The following GOLGA3 variants were observed in gnomAD, a reference collection of about 807,000 sequenced individuals.
The protein encoded by GOLGA3 is golgin subfamily A member 3.
In GOLGA3, 75 loss-of-function variants were observed where a neutral mutation model predicts 169.4. The ratio of observed to expected loss-of-function variants is 0.44; its 90% CI spans 0.37 to 0.54. GOLGA3 has a LOEUF of 0.54. Among genes scored for constraint, GOLGA3 ranks in the 20% least tolerant of loss-of-function variants. The pLI is 0.00. For synonymous variants in GOLGA3, 824 were observed against 822.4 expected (o/e 1.00, Z -0.03); for missense variants, 1,899 against 1,930.0 (o/e 0.98, Z 0.30).
rs1342711305 is a variant in GOLGA3 at position 132,771,887 on chromosome 12, C to CA, written c.*1217dup. ...CCACCGGCCTCTCCCTGTGCCCCCCCAAAGGTCAGATCAGATATGGGGCCT... is the reference window on the plus strand; with the variant it reads ...CCACCGGCCTCTCCCTGTGCCCCCCCAAAAGGTCAGATCAGATATGGGGCCT... On this transcript the variant is annotated 3_prime_UTR_variant, in exon 24 of 24. Transcript: ENST00000450791. 6.5e-6 allele frequency: 1 copy of CA among 152,748 alleles called. No homozygotes were observed. The highest frequency in any genetic ancestry group is 1.9e-4 in the East Asian group (1 of 5,204). The allele number at this position is 152,748 out of a possible 1,614,324, so 9.5% of individuals were successfully genotyped here. A position where few individuals can be genotyped will look rare whatever the true frequency, so the allele number is the denominator to read the frequency against.
intron 9 of GOLGA3, among the ~76,000 whole-genome samples, chr12:132,797,475 C>T (rs1281558652): frequency 6.6e-6 from 1 of 152,206 alleles, no homozygotes; most frequent in Non-Finnish European, 1.5e-5. Flanking sequence ...CTTTGGGAGG[C>T]CGAGGCAGGC....
chr12:132,791,102 A>C (rs2136414388), intron 12 of GOLGA3, 114 bp downstream of exon 12: 1 of 429,950 alleles, frequency 2.3e-6, no homozygotes, highest in South Asian at 3.7e-5. Context: ...AAGAGAACTC[A>C]AGATGTTACC....
chr12:132,795,930 T>A lies in GOLGA3; in HGVS notation c.2391A>T (p.Arg797Ser), dbSNP rs144821042. 1.3e-4 allele frequency: 210 copies of A among 1,614,166 alleles called. No homozygotes were observed. The highest frequency in any genetic ancestry group is 1.7e-4 in the Non-Finnish European group (199 of 1,180,040). The change falls in exon 11 of 24, where the codon AGA (arginine) becomes AGT (serine). Residue 797 changes from arginine (R) to serine (S), a missense_variant. Coordinates refer to ENST00000450791, the MANE Select transcript of GOLGA3 (RefSeq NM_001389683.1). ...TTTCCTCGGTACCTTCTTCCAAGCG[T>A]CTTGCTCCTCTGTCAAGCTCCTCCT... ...SGKEELDRGA[R>S]RLEEGTEETS...
At chr12:132,783,987 A>G (rs1183169426) in intron 16 of GOLGA3, 177 bp downstream of exon 16, 1 of 1,490,126 alleles carries the variant, frequency 6.7e-7, no homozygotes, top group Admixed American at 2.1e-5. Context: ...AGAGGGCTGG[A>G]ATCAGGGCCT....
chr12:132,795,920 C>T lies in GOLGA3; in HGVS notation c.2401G>A (p.Glu801Lys). The T allele has an allele frequency of 1.2e-6, 2 of 1,614,198 alleles. No individual in the cohort carries two copies. The highest frequency in any genetic ancestry group is 8.5e-7 in the Non-Finnish European group (1 of 1,180,034). Reference protein sequence around the residue: ...ELDRGARRLEEGTEETSETLE... With the variant: ...ELDRGARRLEKGTEETSETLE... ...GTTTCCGACGTTTCCTCGGTACCTTCTTCCAAGCGTCTTGCTCCTCTGTCA... is the reference window on the plus strand; with the variant it reads ...GTTTCCGACGTTTCCTCGGTACCTTTTTCCAAGCGTCTTGCTCCTCTGTCA... The change falls in exon 11 of 24, where the codon GAA becomes AAA. Residue 801 changes from glutamate to lysine, a missense_variant. Transcript: ENST00000450791.
chr12:132,798,208 C>T (rs1029900281), intron 9 of GOLGA3, 132 bp downstream of exon 9: 9 of 811,004 alleles, frequency 1.1e-5, no homozygotes, highest in Non-Finnish European at 1.7e-5. Flanking sequence ...CCTTAACGAG[C>T]AGTCACTGCC....
intron 2 of GOLGA3, 84 bp downstream of exon 2, chr12:132,821,912 A>G: frequency 1.2e-6 from 1 of 863,412 alleles, no homozygotes; most frequent in South Asian, 1.7e-5. Context: ...AGTGGTCTCA[A>G]CGCCACATCC....
chr12:132,801,579 G>T (rs1566111137), intron 8 of GOLGA3, among the ~76,000 whole-genome samples, 188 bp downstream of exon 8: 1 of 147,912 alleles, frequency 6.8e-6, no homozygotes, highest in East Asian at 1.9e-4. Flanking sequence ...TCAGAAGGTT[G>T]GGGGGGGGCC....
Position 132,782,405 on chromosome 12 carries a change from C to G in GOLGA3, c.3356G>C (p.Gly1119Ala), listed in dbSNP as rs143639070. The change falls in exon 17 of 24, where the codon GGG (glycine) becomes GCG (alanine). Residue 1119 changes from glycine (G) to alanine (A), a missense_variant. Physicochemically the swap from Gly to Ala is moderately conservative, Grantham distance 60 (BLOSUM62 0). Transcript: ENST00000450791. ...GGACTGACCGAGGCCCGTAAGCTTC[C>G]CTTTCTCGTGCTCTAATTCAAGAGC... Reference protein sequence around the residue: ...KLALELEHEKGKLTGLGQSNA... With the variant: ...KLALELEHEKAKLTGLGQSNA... 4.0e-5 allele frequency: 64 copies of G among 1,614,180 alleles called. No homozygotes were observed. Among genetic ancestry groups the G allele is most frequent in the Non-Finnish European group, 5.4e-5 (64 of 1,179,998 alleles).
chr12:132,776,582 C>G (rs7303430), intron 21 of GOLGA3, 52 bp downstream of exon 21: 35 of 201,964 alleles, frequency 1.7e-4, no homozygotes, highest in Middle Eastern at 1.6e-3. Context: ...GCCCCTCCAG[C>G]TCCTTCCTCC....
rs754504058 is a variant in GOLGA3 at position 132,774,137 on chromosome 12, A to G, written c.4307+20T>C. On this transcript the variant is annotated intron_variant, in intron 23 of 23. Transcript: ENST00000450791. ...TAATCTTTAAGACTAGCTGAAGTGC[A>G]GCACGGAATACGGTCGTACTTGAGC... 17 of 1,555,046 alleles carry G rather than the reference A, an allele frequency of 1.1e-5. No homozygotes were observed. The highest frequency in any genetic ancestry group is 1.4e-5 in the Non-Finnish European group (16 of 1,150,200).
chr12:132,816,466 G>A (rs886268020), intron 3 of GOLGA3, 74 bp downstream of exon 3: 74 of 1,474,332 alleles, frequency 5.0e-5, no homozygotes, highest in African/African-American at 6.9e-5. Flanking sequence ...CAGTGAGTGC[G>A]CAGGGCACCT....
In GOLGA3 at chr12:132,796,604, C is replaced by G. The variant is rs1948854425; in HGVS notation, c.2035G>C (p.Gly679Arg). 1 of 1,613,962 alleles carries G rather than the reference C, an allele frequency of 6.2e-7. No individual in the cohort carries two copies. The highest frequency in any genetic ancestry group is 1.3e-5 in the African/African-American group (1 of 74,942). Reference protein sequence around the residue: ...DLQRRLEEFEGERERLQRMAD... With the variant: ...DLQRRLEEFERERERLQRMAD... ...ATCCTCTGCAGCCGCTCCCTCTCACCTTCAAACTCTTCCAGCCTCCTCTGA... is the reference window on the plus strand; with the variant it reads ...ATCCTCTGCAGCCGCTCCCTCTCACGTTCAAACTCTTCCAGCCTCCTCTGA... The change falls in exon 10 of 24, where the codon GGT becomes CGT. Residue 679 changes from glycine (G) to arginine (R), a missense_variant. Transcript: ENST00000450791.
At chr12:132,782,193 A>G in intron 17 of GOLGA3, 103 bp downstream of exon 17, 2 of 1,089,008 alleles carry the variant, frequency 1.8e-6, no homozygotes, top group Non-Finnish European at 2.8e-6. Context: ...CGGGTGGGCT[A>G]GGAGTCAGCA....
At chr12:132,795,372 A>C (rs947215414) in intron 11 of GOLGA3, among the ~76,000 whole-genome samples, 1 of 151,760 alleles carries the variant, frequency 6.6e-6, no homozygotes, top group African/African-American at 2.4e-5. Context: ...CAGGCCTATA[A>C]TCCCAGCACT....
intron 2 of GOLGA3, among the ~76,000 whole-genome samples, chr12:132,819,800 G>A (rs1384116019): frequency 6.6e-6 from 1 of 152,222 alleles, no homozygotes; most frequent in Non-Finnish European, 1.5e-5. Flanking sequence ...AGCACTTTGG[G>A]AGGCCGAGGT....
rs371086560 is a variant in GOLGA3, at chr12:132,824,238, G to T, written c.-183-1927C>A. Among the ~76,000 whole-genome samples, 12 of 152,274 alleles carry T rather than the reference G, an allele frequency of 7.9e-5. No homozygotes were observed. In the East Asian group the frequency reaches 1.9e-3, roughly 24 times the overall value. On this transcript the variant is annotated intron_variant, in intron 1 of 23. Coordinates refer to ENST00000450791, the MANE Select transcript of GOLGA3 (RefSeq NM_001389683.1). ...TCACCCGTAAAAGAGGAAACCTATG[G>T]GTGGTGGGTGTAACCCAGTCCACTG... is the stretch of plus-strand genomic sequence containing the variant.
intron 2 of GOLGA3, 39 bp from the exon 3 acceptor site, chr12:132,816,851 C>T: frequency 6.5e-7 from 1 of 1,533,446 alleles, no homozygotes; most frequent in Non-Finnish European, 8.8e-7. Context: ...ATGGCTTTAA[C>T]AACAAGGTGA....
In GOLGA3 at chr12:132,804,578, G is replaced by C; in HGVS notation, c.1597+138C>G. On this transcript the variant is annotated intron_variant, in intron 7 of 23. Coordinates refer to ENST00000450791, the MANE Select transcript of GOLGA3 (RefSeq NM_001389683.1). The surrounding 1 kb of genome is among the most constrained non-coding windows in gnomAD (Gnocchi z 4.1). ...AGTCGAGGAAGGAGGGAGCAGCGGG[G>C]ACCAGTCGAGGAAGGAGGAGGGAGC... is the stretch of plus-strand genomic sequence containing the variant. 1.4e-6 allele frequency: 1 copy of C among 697,062 alleles called. No individual in the cohort carries two copies. Among genetic ancestry groups the C allele is most frequent in the Non-Finnish European group, 2.4e-6 (1 of 412,422 alleles). 43.2% of individuals were successfully genotyped at this position (697,062 alleles called of 1,614,324 possible). A position where few individuals can be genotyped will look rare whatever the true frequency, so the allele number is the denominator to read the frequency against.
Sources: allele counts gnomAD v4.1 joint callset (sites outside exome capture counted in the v4.1 genomes callset), GRCh38; gene constraint gnomAD v4.1.1; non-coding constraint Gnocchi (gnomAD v3.1); transcripts MANE v1.5; gene names NCBI Gene and HGNC (gene_info 2026-07-23, HGNC 2026-07-21).